The following RANBP2 variants were observed in gnomAD, a reference collection of about 807,000 sequenced individuals.
RANBP2 encodes the protein RAN binding protein 2.
Under a neutral mutation model 303.6 loss-of-function variants are expected in RANBP2, and 57 were observed. That is an observed-to-expected ratio of 0.19 (90% confidence interval 0.15 to 0.23). The LOEUF (loss-of-function observed/expected upper bound fraction) is 0.23. RANBP2 is among the 10% of genes least tolerant of loss of function. The pLI is 1.00. For missense variants in RANBP2, 3,138 were observed against 3,780.8 expected (o/e 0.83, Z 4.46); for synonymous variants, 1,167 against 1,301.5 (o/e 0.90, Z 2.23).
chr2:108,957,938 T>C, the RANBP2 span, among the ~76,000 whole-genome samples: 3 of 152,146 alleles, frequency 2.0e-5, no homozygotes, highest in Non-Finnish European at 4.4e-5. Context: ...ATAAACAAGA[T>C]TAATTGCACA....
chr2:108,778,078 C>T (rs531735584), intron 25 of RANBP2, among the ~76,000 whole-genome samples: 1 of 152,102 alleles, frequency 6.6e-6, no homozygotes, highest in African/African-American at 2.4e-5. Flanking sequence ...AGCCTGAAAT[C>T]AAAGGGTAAT....
the RANBP2 span, among the ~76,000 whole-genome samples, chr2:109,009,476 A>G: frequency 6.6e-6 from 1 of 152,090 alleles, no homozygotes. Context: ...TCATCATCTT[A>G]CCACCCAAGA....
chr2:109,015,402 A>G, the RANBP2 span, among the ~76,000 whole-genome samples: 1 of 151,916 alleles, frequency 6.6e-6, no homozygotes, highest in Non-Finnish European at 1.5e-5. Flanking sequence ...TTGTAATTAT[A>G]TTTTCTCTCC....
At chr2:108,751,800 T>A in intron 11 of RANBP2, 71 bp from the exon 12 acceptor site, 1 of 1,611,944 alleles carries the variant, frequency 6.2e-7, no homozygotes, top group Non-Finnish European at 8.5e-7. Flanking sequence ...TGTGACCCAT[T>A]AACATATATG....
At chr2:109,535,035 C>G in the RANBP2 span, among the ~76,000 whole-genome samples, 2 of 152,128 alleles carry the variant, frequency 1.3e-5, no homozygotes, top group Non-Finnish European at 2.9e-5. Context: ...CGAGTTGACA[C>G]TTCACCTCCA....
chr2:109,179,390 G>T, the RANBP2 span, among the ~76,000 whole-genome samples: 2 of 152,154 alleles, frequency 1.3e-5, no homozygotes, highest in Admixed American at 1.3e-4. Context: ...GACATGACTT[G>T]CCCAGAGTGG....
chr2:109,096,547 T>C, the RANBP2 span, among the ~76,000 whole-genome samples: 1 of 152,146 alleles, frequency 6.6e-6, no homozygotes, highest in Non-Finnish European at 1.5e-5. Context: ...TTTTGACAGG[T>C]GCTCTTAAAT....
At chr2:109,719,606 C>A in the RANBP2 span, among the ~76,000 whole-genome samples, 2 of 151,344 alleles carry the variant, frequency 1.3e-5, no homozygotes, top group Non-Finnish European at 2.9e-5. Context: ...GGGGTTTCAC[C>A]GTGTTGGCCA....
At chr2:109,229,268 A>G in the RANBP2 span, among the ~76,000 whole-genome samples, 1 of 152,204 alleles carries the variant, frequency 6.6e-6, no homozygotes, top group African/African-American at 2.4e-5. Context: ...AGTGGTGAGT[A>G]GAGTATGAGG....
chr2:109,666,875 T>C, the RANBP2 span, among the ~76,000 whole-genome samples: 22 of 152,224 alleles, frequency 1.4e-4, no homozygotes, highest in Admixed American at 1.2e-3. Context: ...TTTTATACCA[T>C]AGAAATGGGC....
chr2:108,945,905 G>A, the RANBP2 span, among the ~76,000 whole-genome samples: 3 of 152,182 alleles, frequency 2.0e-5, no homozygotes, highest in Non-Finnish European at 4.4e-5. Flanking sequence ...AGGGGCACAT[G>A]TTACTTTGTC....
At chr2:109,011,340 G>A in the RANBP2 span, among the ~76,000 whole-genome samples, 1 of 152,276 alleles carries the variant, frequency 6.6e-6, no homozygotes, top group South Asian at 2.1e-4. Context: ...GTTTGGATGG[G>A]CATAAAATTC....
At chr2:109,164,844 C>T in the RANBP2 span, among the ~76,000 whole-genome samples, 1 of 152,348 alleles carries the variant, frequency 6.6e-6, no homozygotes, top group South Asian at 2.1e-4. Flanking sequence ...CCCCTTTCTT[C>T]CTGTTTCTAA....
chr2:109,577,666 A>G, the RANBP2 span, among the ~76,000 whole-genome samples: 1 of 151,978 alleles, frequency 6.6e-6, no homozygotes, highest in Non-Finnish European at 1.5e-5. Flanking sequence ...CAATCCCAGC[A>G]CTTTGGGAGG....
the RANBP2 span, among the ~76,000 whole-genome samples, chr2:109,078,198 G>A: frequency 4.5e-3 from 189 of 41,732 alleles, 11 homozygotes; most frequent in Middle Eastern, 0.014. Flanking sequence ...TATATATAGC[G>A]TATATATATA....
the RANBP2 span, among the ~76,000 whole-genome samples, chr2:109,668,457 A>G: frequency 8.5e-5 from 13 of 152,348 alleles, no homozygotes; most frequent in African/African-American, 3.1e-4. Context: ...TCAAGTCAAT[A>G]CATCACAGAA....
chr2:108,876,128 A>G, the RANBP2 span: 7 of 1,606,462 alleles, frequency 4.4e-6, no homozygotes, highest in Non-Finnish European at 5.1e-6. Flanking sequence ...GATTCATCTG[A>G]TGCTTCAAGA....
the RANBP2 span, among the ~76,000 whole-genome samples, chr2:109,691,690 A>G: frequency 7.0e-4 from 106 of 152,230 alleles, no homozygotes; most frequent in African/African-American, 2.5e-3. Flanking sequence ...ACACAAATCT[A>G]TAGAGTAAAA....
At chr2:108,787,600 A>AT (rs1038648044), downstream of RANBP2, among the ~76,000 whole-genome samples, 47 of 151,912 alleles carry the variant, frequency 3.1e-4, 1 homozygote, top group Non-Finnish European at 5.9e-4. Context: ...TTATAGGAAA[A>AT]TTTTTTCCTA....
Sources: allele counts gnomAD v4.1 joint callset (sites outside exome capture counted in the v4.1 genomes callset), GRCh38; gene constraint gnomAD v4.1.1; transcripts MANE v1.5; gene names NCBI Gene and HGNC (gene_info 2026-07-23, HGNC 2026-07-21).